NCK1: variants seen among roughly 807,000 people sequenced by gnomAD.
The protein encoded by NCK1 is SH2/SH3 adapter protein NCK1.
In NCK1, 19 loss-of-function variants were observed where a neutral mutation model predicts 36.6. The observed-to-expected ratio is 0.52, with a 90% CI of 0.36 to 0.76. NCK1 has a LOEUF of 0.76. Among genes scored for constraint, NCK1 ranks in the 30% least tolerant of loss-of-function variants. NCK1 has a pLI of 0.00. For missense variants in NCK1, 358 were observed against 445.6 expected (o/e 0.80, Z 1.77); for synonymous variants, 165 against 156.0 (o/e 1.06, Z -0.43).
chr3:136,922,288 A>G (rs886731657), intron 1 of NCK1, among the ~76,000 whole-genome samples: 9 of 152,204 alleles, frequency 5.9e-5, no homozygotes, highest in African/African-American at 2.2e-4. Context: ...TTGCATTCCA[A>G]AGAGGTAGTT....
chr3:136,943,355 G>T (rs1940726077), intron 2 of NCK1, among the ~76,000 whole-genome samples: 1 of 152,204 alleles, frequency 6.6e-6, no homozygotes, highest in East Asian at 1.9e-4. Flanking sequence ...TGATTTAGGG[G>T]TATAGACTGG....
chr3:136,911,875 T>A (rs945211439), intron 1 of NCK1, among the ~76,000 whole-genome samples: 4 of 152,140 alleles, frequency 2.6e-5, no homozygotes, highest in African/African-American at 9.6e-5. Flanking sequence ...GTTTTTTTTT[T>A]ATTCTCCCCT....
chr3:136,905,203 G>A (rs1206987187), intron 1 of NCK1, among the ~76,000 whole-genome samples: 2 of 151,540 alleles, frequency 1.3e-5, no homozygotes, highest in East Asian at 1.9e-4. Flanking sequence ...TGTATTCTTT[G>A]CAGAGACAGG....
intron 3 of NCK1, among the ~76,000 whole-genome samples, chr3:136,947,531 A>G (rs536989566): frequency 6.6e-6 from 1 of 152,254 alleles, no homozygotes; most frequent in South Asian, 2.1e-4. Context: ...TTCATTGCCG[A>G]TATTTAAATA....
chr3:136,947,567 G>T (rs900625998), intron 3 of NCK1, among the ~76,000 whole-genome samples: 13 of 151,986 alleles, frequency 8.6e-5, no homozygotes, highest in African/African-American at 3.1e-4. Flanking sequence ...TAAAAATTCA[G>T]ACTTTAGACC....
At chr3:136,880,801 T>C (rs1046915094) in intron 1 of NCK1, among the ~76,000 whole-genome samples, 1 of 152,048 alleles carries the variant, frequency 6.6e-6, no homozygotes, top group Admixed American at 6.5e-5. Flanking sequence ...GGAGATGGGG[T>C]TCTCACTTCT....
rs138305702 is a variant in NCK1 at position 136,935,631 on chromosome 3, G to C, written c.226+7404G>C. On this transcript the variant is annotated intron_variant, in intron 2 of 3. Coordinates refer to ENST00000481752, the MANE Select transcript of NCK1 (RefSeq NM_001291999.2). ...CAACATAATAGGCCTGAAGAAGAGT[G>C]ACCATAGTGAGAAGGGAAAGTGTTG... 2.3e-3 allele frequency among the ~76,000 whole-genome samples: 343 copies of C among 152,238 alleles called. 2 individuals are homozygous for C. Among genetic ancestry groups the C allele is most frequent in the Middle Eastern group, 3.4e-3 (1 of 294 alleles).
intron 1 of NCK1, among the ~76,000 whole-genome samples, chr3:136,874,729 T>C (rs1938718541): frequency 6.6e-6 from 1 of 152,220 alleles, no homozygotes; most frequent in South Asian, 2.1e-4. Flanking sequence ...TTGTTTTGTT[T>C]TTTGTTTAAC....
chr3:136,898,404 A>AG (rs1939447360), intron 1 of NCK1, among the ~76,000 whole-genome samples: 1 of 149,166 alleles, frequency 6.7e-6, no homozygotes, highest in African/African-American at 2.4e-5. Flanking sequence ...AAAAAAAAAA[A>AG]GGTGGATGCA....
At chr3:136,898,238 A>T (rs182455401) in intron 1 of NCK1, among the ~76,000 whole-genome samples, 1 of 152,222 alleles carries the variant, frequency 6.6e-6, no homozygotes, top group East Asian at 1.9e-4. Flanking sequence ...TCTACTAAAA[A>T]TACAAAAACT....
intron 1 of NCK1, among the ~76,000 whole-genome samples, chr3:136,877,364 A>G (rs539754544): frequency 2.0e-4 from 31 of 152,326 alleles, no homozygotes; most frequent in African/African-American, 7.2e-4. Context: ...CTGTTTGAAG[A>G]TAAGCAATAT....
intron 2 of NCK1, among the ~76,000 whole-genome samples, chr3:136,944,259 C>T (rs1429818836): frequency 6.6e-6 from 1 of 151,700 alleles, no homozygotes; most frequent in African/African-American, 2.4e-5. Flanking sequence ...GCTGGGACTA[C>T]AGGTGCACAC....
At chr3:136,930,559 A>G (rs1940364757) in intron 2 of NCK1, 1 of 1,476,794 alleles carries the variant, frequency 6.8e-7, no homozygotes, top group Non-Finnish European at 9.0e-7. Context: ...TTTTTACTCA[A>G]AATGGATTGG....
At position 136,928,242 on chromosome 3, in the gene NCK1, A is replaced by G. The variant is rs1940296799; in HGVS notation, c.226+15A>G. ...GGATACCTTAGGTAAGATATTTTTTAAAAGAAAAGCAACTTTGTTTTAAAT... is the reference window on the plus strand; with the variant it reads ...GGATACCTTAGGTAAGATATTTTTTGAAAGAAAAGCAACTTTGTTTTAAAT... On this transcript the variant is annotated intron_variant, in intron 2 of 3. Transcript: ENST00000481752. 3 of 1,579,344 alleles carry G rather than the reference A, an allele frequency of 1.9e-6. No individual in the cohort carries two copies. Among genetic ancestry groups the G allele is most frequent in the Non-Finnish European group, 2.6e-6 (3 of 1,166,938 alleles).
chr3:136,943,664 C>T lies in NCK1; in HGVS notation c.227-1919C>T, dbSNP rs559937039. Among the ~76,000 whole-genome samples, 3 of 152,314 alleles carry T rather than the reference C, an allele frequency of 2.0e-5. No homozygotes were observed. The South Asian group carries it at 6.2e-4, about 32-fold the overall frequency. ...TAATTTTGTTTTTCCTTTGTTCCTA[C>T]TACTGATGTATGTACTGCTAAGCGT... On this transcript the variant is annotated intron_variant, in intron 2 of 3. Coordinates refer to ENST00000481752, the MANE Select transcript of NCK1 (RefSeq NM_001291999.2).
At chr3:136,929,064 T>C (rs149346478) in intron 2 of NCK1, among the ~76,000 whole-genome samples, 68 of 152,202 alleles carry the variant, frequency 4.5e-4, no homozygotes, top group African/African-American at 1.5e-3. Flanking sequence ...TGAAATACTG[T>C]TGACTCACTA....
chr3:136,915,692 A>G (rs1939946345), intron 1 of NCK1, among the ~76,000 whole-genome samples: 1 of 152,076 alleles, frequency 6.6e-6, no homozygotes, highest in African/African-American at 2.4e-5. Flanking sequence ...AGCAGAAGGA[A>G]GAGAGTGAAG....
At position 136,928,246 on chromosome 3, in the gene NCK1, G is replaced by T; in HGVS notation, c.226+19G>T. The T allele has an allele frequency of 6.3e-7, 1 of 1,575,114 alleles. No individual in the cohort carries two copies. Among genetic ancestry groups the T allele is most frequent in the South Asian group, 1.2e-5 (1 of 85,122 alleles). On this transcript the variant is annotated intron_variant, in intron 2 of 3. Transcript: ENST00000481752. ...ACCTTAGGTAAGATATTTTTTAAAAGAAAAGCAACTTTGTTTTAAATGAAA... is the reference window on the plus strand; with the variant it reads ...ACCTTAGGTAAGATATTTTTTAAAATAAAAGCAACTTTGTTTTAAATGAAA...
rs199716792 is a variant in NCK1 at position 136,894,344 on chromosome 3, C to G, written c.-19+31991C>G. 2.0e-5 allele frequency among the ~76,000 whole-genome samples: 3 copies of G among 152,132 alleles called. No homozygotes were observed. In the East Asian group the frequency reaches 5.8e-4, roughly 29 times the overall value. Reference sequence around the variant, plus strand: ...TTCTCTACCCCTTGGTTTCTAAACCCGTGCATCTCAGGTAGTAGGGATATA... The same window carrying G: ...TTCTCTACCCCTTGGTTTCTAAACCGGTGCATCTCAGGTAGTAGGGATATA... On this transcript the variant is annotated intron_variant, in intron 1 of 3. Transcript: ENST00000481752.
Sources: gnomAD v4.1 joint callset for allele counts (sites outside exome capture counted in the v4.1 genomes callset) on GRCh38, gnomAD v4.1.1 for gene constraint, MANE v1.5 for transcripts, NCBI Gene and HGNC (gene_info 2026-07-23, HGNC 2026-07-21) for gene names.